The following SLAMF1 variants were observed in gnomAD, a reference collection of about 807,000 sequenced individuals.
The protein encoded by SLAMF1 is signaling lymphocytic activation molecule family member 1, also known as signaling lymphocytic activation molecule.
SLAMF1 carries 18 observed loss-of-function variants against 35.1 expected under a neutral mutation model. The observed-to-expected ratio is 0.51, with a 90% CI of 0.35 to 0.76. The LOEUF (loss-of-function observed/expected upper bound fraction) is 0.76. Among genes scored for constraint, SLAMF1 ranks in the 30% least tolerant of loss-of-function variants. SLAMF1 has a pLI of 0.01. For missense variants in SLAMF1, 392 were observed against 413.0 expected, an observed-to-expected ratio of 0.95 and a Z score of 0.44; for synonymous variants, 168 against 157.2, an observed-to-expected ratio of 1.07 and a Z score of -0.51.
chr1:160,615,941 C>G (rs577464841), intron 5 of SLAMF1, among the ~76,000 whole-genome samples: 8 of 152,222 alleles, frequency 5.3e-5, no homozygotes, highest in African/African-American at 1.7e-4. Context: ...GGAGTGTGGC[C>G]CTGAGGATGT....
intron 5 of SLAMF1, among the ~76,000 whole-genome samples, chr1:160,618,808 G>C (rs974153727): frequency 6.6e-6 from 1 of 152,136 alleles, no homozygotes; most frequent in Admixed American, 6.5e-5. Context: ...CTATGGTCAA[G>C]GTGAACCTGG....
chr1:160,612,557 G>A lies in SLAMF1; in HGVS notation c.888C>T (p.Ser296=). Residue 296 remains serine, a synonymous_variant, in exon 6 of 7, where the codon TCC becomes TCT. Coordinates refer to ENST00000302035, the MANE Select transcript of SLAMF1 (RefSeq NM_003037.5). ...KPGPLQKKLD[S]FPAQDPCTTI... ...TGGTGCAAGGGTCCTGAGCTGGGAAGGAGTCAAGTTTCTTCTGAAGAGGCT... is the reference window on the plus strand; with the variant it reads ...TGGTGCAAGGGTCCTGAGCTGGGAAAGAGTCAAGTTTCTTCTGAAGAGGCT... 1 of 1,612,698 alleles carries A rather than the reference G, an allele frequency of 6.2e-7. No homozygotes were observed. Among genetic ancestry groups the A allele is most frequent in the South Asian group, 1.1e-5 (1 of 90,874 alleles).
At chr1:160,636,413 A>G (rs1051266623) in intron 2 of SLAMF1, among the ~76,000 whole-genome samples, 2 of 152,182 alleles carry the variant, frequency 1.3e-5, no homozygotes, top group African/African-American at 4.8e-5. Context: ...GAGATAAGGA[A>G]GTCATTTTGA....
chr1:160,616,051 A>C (rs149457577), intron 5 of SLAMF1, among the ~76,000 whole-genome samples: 2 of 152,324 alleles, frequency 1.3e-5, no homozygotes, highest in African/African-American at 4.8e-5. Context: ...AGGCATCCCT[A>C]GGAAACTAAC....
intron 1 of SLAMF1, among the ~76,000 whole-genome samples, chr1:160,639,386 C>T (rs1374144431): frequency 6.6e-6 from 1 of 152,108 alleles, no homozygotes; most frequent in Non-Finnish European, 1.5e-5. Context: ...CCACCATGCA[C>T]TGCTAATTTT....
In SLAMF1 at chr1:160,634,552, C is replaced by T; in HGVS notation, c.700+61G>A. 2.7e-6 allele frequency: 4 copies of T among 1,489,238 alleles called. No individual in the cohort carries two copies. In the South Asian group the frequency reaches 4.0e-5, roughly 15 times the overall value. 92.3% of individuals were successfully genotyped at this position (1,489,238 alleles called of 1,614,324 possible). On this transcript the variant is annotated intron_variant, in intron 3 of 6. Transcript: ENST00000302035. ...TGCCATGGCTGGGGAGCAATTGGAC[C>T]ATGTGAAGACTGAGCCCATGCTCAT...
chr1:160,635,657 C>T (rs940207178), intron 2 of SLAMF1, among the ~76,000 whole-genome samples: 3 of 151,480 alleles, frequency 2.0e-5, no homozygotes, highest in African/African-American at 7.3e-5. Context: ...CTGCAAGCTC[C>T]ACCTCCTGGG....
rs1415491868 is a variant in SLAMF1, at chr1:160,609,687, T to C, written c.*1061A>G. 1 of 152,226 alleles carries C rather than the reference T, an allele frequency of 6.6e-6. No homozygotes were observed. The highest frequency in any genetic ancestry group is 1.9e-4 in the East Asian group (1 of 5,202). The allele number at this position is 152,226 out of a possible 1,614,324, so 9.4% of individuals were successfully genotyped here. On this transcript the variant is annotated 3_prime_UTR_variant, in exon 7 of 7. Transcript: ENST00000302035. ...TGCCTGCAGCTTGCAAAATAAGTTA[T>C]TGAGCATTCAAAGATTTGAAGCTGT...
chr1:160,645,134 G>T (rs986404495), intron 1 of SLAMF1, among the ~76,000 whole-genome samples: 8 of 152,314 alleles, frequency 5.3e-5, no homozygotes, highest in Non-Finnish European at 7.3e-5. Context: ...TTGGGGAAGG[G>T]ACATGTGGAC....
rs761032242 is a variant in SLAMF1, at chr1:160,634,660, T to C, written c.653A>G (p.Asn218Ser). The C allele has an allele frequency of 6.2e-7, 1 of 1,613,910 alleles. No homozygotes were observed. Among genetic ancestry groups the C allele is most frequent in the Non-Finnish European group, 8.5e-7 (1 of 1,179,840 alleles). Residue 218 changes from asparagine to serine, a missense_variant, in exon 3 of 7, where the codon AAT becomes AGT. Physicochemically the swap from Asn to Ser is conservative, Grantham distance 46. Transcript: ENST00000302035. ...GGGCCACGGGCTGAAGGTCTGGGAA[T>C]TGTTGCTGATAGGGTTGCTCACGGT... Reference protein sequence around the residue: ...ICTVSNPISNNSQTFSPWPGC... With the variant: ...ICTVSNPISNSSQTFSPWPGC...
intron 5 of SLAMF1, among the ~76,000 whole-genome samples, chr1:160,617,132 G>C (rs901103838): frequency 6.7e-6 from 1 of 149,772 alleles, no homozygotes; most frequent in African/African-American, 2.4e-5. Flanking sequence ...CCCCAGCCTA[G>C]GCAACAGAGT....
intron 2 of SLAMF1, among the ~76,000 whole-genome samples, chr1:160,635,782 C>T (rs1401632983): frequency 1.1e-4 from 17 of 151,226 alleles, no homozygotes; most frequent in African/African-American, 3.9e-4. Flanking sequence ...GGTTTCACCA[C>T]CATAGCCAGG....
chr1:160,621,390 C>A (rs1234784433), intron 4 of SLAMF1, among the ~76,000 whole-genome samples: 3 of 151,980 alleles, frequency 2.0e-5, no homozygotes, highest in Non-Finnish European at 2.9e-5. Flanking sequence ...GAAACCCTGT[C>A]TCTACTAAAA....
chr1:160,612,006 C>T (rs1659012283), intron 6 of SLAMF1, among the ~76,000 whole-genome samples: 1 of 152,008 alleles, frequency 6.6e-6, no homozygotes, highest in Admixed American at 6.6e-5. Flanking sequence ...AGGTGGAAGT[C>T]CCTAGGAATC....
At chr1:160,619,666 C>A in intron 5 of SLAMF1, 110 bp downstream of exon 5, 1 of 774,488 alleles carries the variant, frequency 1.3e-6, no homozygotes, top group Non-Finnish European at 2.3e-6. Flanking sequence ...TGTTCCCTAC[C>A]TTCCTCTGCT....
intron 5 of SLAMF1, among the ~76,000 whole-genome samples, chr1:160,615,542 G>A (rs1380715957): frequency 6.6e-6 from 1 of 152,118 alleles, no homozygotes; most frequent in African/African-American, 2.4e-5. Context: ...TGCTCTACTA[G>A]CAAATATTTA....
intron 2 of SLAMF1, among the ~76,000 whole-genome samples, chr1:160,635,999 A>G (rs182340347): frequency 1.3e-5 from 2 of 152,340 alleles, no homozygotes; most frequent in Admixed American, 1.3e-4. Flanking sequence ...GGCCAAGTTA[A>G]GATCTGAACC....
chr1:160,616,926 C>T (rs751572245), intron 5 of SLAMF1, among the ~76,000 whole-genome samples: 3 of 151,944 alleles, frequency 2.0e-5, no homozygotes, highest in Non-Finnish European at 4.4e-5. Context: ...GATGCTGAGG[C>T]GGGCAGATCT....
At chr1:160,628,968 C>T (rs1660022168) in intron 3 of SLAMF1, among the ~76,000 whole-genome samples, 1 of 152,206 alleles carries the variant, frequency 6.6e-6, no homozygotes, top group Admixed American at 6.5e-5. Flanking sequence ...AGTGAGGCCT[C>T]TCTGGATGGT....
Sources: gnomAD v4.1 joint callset for allele counts (sites outside exome capture counted in the v4.1 genomes callset) on GRCh38, gnomAD v4.1.1 for gene constraint, MANE v1.5 for transcripts, NCBI Gene and HGNC (gene_info 2026-07-23, HGNC 2026-07-21) for gene names.